Variants in SH3BGRL observed in about 807,000 individuals in gnomAD.
SH3BGRL encodes the protein adapter SH3BGRL.
A neutral mutation model predicts 9.8 loss-of-function variants in SH3BGRL; 7 were observed. The observed-to-expected ratio is 0.72, with a 90% CI of 0.41 to 1.35. The LOEUF (loss-of-function observed/expected upper bound fraction) is 1.35, where lower values mean the gene tolerates loss of function less well. SH3BGRL is among the 40% of genes most tolerant of loss of function. SH3BGRL has a pLI of 0.01. For synonymous variants in SH3BGRL, 36 were observed against 29.1 expected (o/e 1.24, Z -0.76); for missense variants, 73 against 84.4 (o/e 0.86, Z 0.53).
intron 1 of SH3BGRL, among the ~76,000 whole-genome samples, chrX:81,259,277 G>C (rs1018757898): frequency 3.6e-5 from 4 of 112,121 alleles, no homozygotes; most frequent in African/African-American, 1.3e-4. Flanking sequence ...TGTAGGAAGT[G>C]TGGTTTTAGG....
At chrX:81,218,241 ACTTAC>A in intron 1 of SH3BGRL, among the ~76,000 whole-genome samples, 1 of 110,733 alleles carries the variant, frequency 9.0e-6, no homozygotes, top group East Asian at 2.8e-4. Flanking sequence ...CATTTAGGCT[ACTTAC>A]ATTCAGTGTT....
At position 81,202,879 on chromosome X, in the gene SH3BGRL, TC is replaced by T. The variant is rs2075534197; in HGVS notation, c.45+640del. ...CTTAATATGACACGAGATTCAGTTT[TC>T]CCCCCATATTGTCCCTTATTTTGAC... On this transcript the variant is annotated intron_variant, in intron 1 of 3. Transcript: ENST00000373212. 2.7e-5 allele frequency among the ~76,000 whole-genome samples: 3 copies of T among 111,314 alleles called. No individual in the cohort carries two copies. The South Asian group carries it at 1.1e-3, about 42-fold the overall frequency.
intron 1 of SH3BGRL, among the ~76,000 whole-genome samples, chrX:81,257,216 C>A (rs753697314): frequency 9.0e-6 from 1 of 111,350 alleles, no homozygotes; most frequent in Non-Finnish European, 1.9e-5. Flanking sequence ...TTCTGTGCAA[C>A]GATTCTGAGA....
At chrX:81,287,650 C>T (rs932474401) in intron 3 of SH3BGRL, among the ~76,000 whole-genome samples, 1 of 110,435 alleles carries the variant, frequency 9.1e-6, no homozygotes, top group Non-Finnish European at 1.9e-5. Context: ...CGGGACCTGT[C>T]TGTGGGTGGG....
intron 1 of SH3BGRL, among the ~76,000 whole-genome samples, chrX:81,269,540 T>C (rs1438653511): frequency 8.9e-6 from 1 of 111,920 alleles, no homozygotes; most frequent in Non-Finnish European, 1.9e-5. Flanking sequence ...TGTTGAATAT[T>C]GGCCCCCACT....
intron 1 of SH3BGRL, among the ~76,000 whole-genome samples, chrX:81,233,510 A>G (rs1364669057): frequency 8.9e-6 from 1 of 111,748 alleles, no homozygotes; most frequent in Non-Finnish European, 1.9e-5. Context: ...AAGGTTATAT[A>G]GCCAATAACT....
At chrX:81,208,261 C>CAA (rs1301347391) in intron 1 of SH3BGRL, among the ~76,000 whole-genome samples, 1 of 100,536 alleles carries the variant, frequency 9.9e-6, no homozygotes, top group Non-Finnish European at 2.0e-5. Context: ...GACACCGTCT[C>CAA]AAAAAAAAAA....
At chrX:81,263,468 A>C (rs1317930883) in intron 1 of SH3BGRL, among the ~76,000 whole-genome samples, 1 of 112,082 alleles carries the variant, frequency 8.9e-6, no homozygotes, top group Non-Finnish European at 1.9e-5. Context: ...TTGATAAGAC[A>C]AGACTATGTG....
At chrX:81,261,656 AT>A (rs1158758543) in intron 1 of SH3BGRL, among the ~76,000 whole-genome samples, 1 of 111,197 alleles carries the variant, frequency 9.0e-6, no homozygotes, top group Non-Finnish European at 1.9e-5. Context: ...GGCCCTGGGC[AT>A]TTTTGAGGAC....
At chrX:81,250,940 G>C (rs1758247210) in intron 1 of SH3BGRL, among the ~76,000 whole-genome samples, 1 of 111,030 alleles carries the variant, frequency 9.0e-6, no homozygotes, top group Non-Finnish European at 1.9e-5. Flanking sequence ...ACACCATCAG[G>C]TAGAGAGTTA....
chrX:81,269,329 T>C (rs903866246), intron 1 of SH3BGRL, among the ~76,000 whole-genome samples: 8 of 111,782 alleles, frequency 7.2e-5, no homozygotes, highest in African/African-American at 2.6e-4. Flanking sequence ...CTTTATAATT[T>C]GGCACGTTTT....
intron 1 of SH3BGRL, among the ~76,000 whole-genome samples, chrX:81,223,390 A>C (rs1275472727): frequency 9.0e-6 from 1 of 111,490 alleles, no homozygotes; most frequent in East Asian, 2.8e-4. Flanking sequence ...GGGGAAATCA[A>C]GCACCATACA....
At chrX:81,208,547 C>T (rs779272202) in intron 1 of SH3BGRL, among the ~76,000 whole-genome samples, 1 of 112,239 alleles carries the variant, frequency 8.9e-6, no homozygotes, top group African/African-American at 3.2e-5. Context: ...TATTTCATTT[C>T]TTACTGATAC....
At chrX:81,202,362 A>G in intron 1 of SH3BGRL, 117 bp downstream of exon 1, 1 of 971,398 alleles carries the variant, frequency 1.0e-6, no homozygotes, top group Non-Finnish European at 1.3e-6. Context: ...AGACTCATGC[A>G]TCCCCGATCC....
intron 1 of SH3BGRL, among the ~76,000 whole-genome samples, chrX:81,233,314 A>G (rs1285733201): frequency 8.9e-6 from 1 of 112,103 alleles, no homozygotes; most frequent in Admixed American, 9.4e-5. Context: ...GCATACGTAG[A>G]GCTTTGTAGA....
chrX:81,210,355 G>T (rs1030594002), intron 1 of SH3BGRL, among the ~76,000 whole-genome samples: 17 of 111,157 alleles, frequency 1.5e-4, no homozygotes, highest in Admixed American at 9.6e-4. Flanking sequence ...GTTCTCTTCA[G>T]TATGTTATAT....
At chrX:81,205,397 C>T (rs1484553236) in intron 1 of SH3BGRL, among the ~76,000 whole-genome samples, 1 of 108,973 alleles carries the variant, frequency 9.2e-6, no homozygotes, top group Non-Finnish European at 1.9e-5. Context: ...CATGTTGTCA[C>T]AAATAACAGA....
In SH3BGRL at chrX:81,251,761, A is replaced by T. The variant is rs1395576864; in HGVS notation, c.46-25223A>T. ...TATTTTCTACTTTTTTGCTCCCTGA[A>T]AACTGAGGCTGTGGAACCAGAACTA... On this transcript the variant is annotated intron_variant, in intron 1 of 3. Coordinates refer to ENST00000373212, the MANE Select transcript of SH3BGRL (RefSeq NM_003022.3). Among the ~76,000 whole-genome samples, 3 of 112,107 alleles carry T rather than the reference A, an allele frequency of 2.7e-5. No individual in the cohort carries two copies. In the East Asian group the frequency reaches 8.3e-4, roughly 31 times the overall value.
At chrX:81,208,070 C>A (rs2075552572) in intron 1 of SH3BGRL, among the ~76,000 whole-genome samples, 1 of 111,111 alleles carries the variant, frequency 9.0e-6, no homozygotes, top group Admixed American at 9.5e-5. Flanking sequence ...GCCTGGCTAA[C>A]ACGGTGAGAC....
Sources: allele counts gnomAD v4.1 joint callset (sites outside exome capture counted in the v4.1 genomes callset), GRCh38; gene constraint gnomAD v4.1.1; transcripts MANE v1.5; gene names NCBI Gene and HGNC (gene_info 2026-07-23, HGNC 2026-07-21).